SSC5D: variants seen among roughly 807,000 people sequenced by gnomAD.
SSC5D encodes the protein scavenger receptor cysteine rich family member with 5 domains.
SSC5D carries 106 observed loss-of-function variants against 104.6 expected under a neutral mutation model. That is an observed-to-expected ratio of 1.01 (90% confidence interval 0.87 to 1.19). SSC5D has a LOEUF of 1.19. Among genes scored for constraint, SSC5D ranks in the 50% most tolerant of loss-of-function variants. The pLI, the probability that SSC5D is intolerant of heterozygous loss-of-function variation, is 0.00. For missense variants in SSC5D, 1,993 were observed against 2,153.8 expected, an observed-to-expected ratio of 0.93 and a Z score of 1.48; for synonymous variants, 860 against 883.5, an observed-to-expected ratio of 0.97 and a Z score of 0.47.
rs558660102 is a variant in SSC5D at position 55,505,605 on chromosome 19, T to A, written c.2785+4404T>A. Among the ~76,000 whole-genome samples the A allele has an allele frequency of 1.1e-3, 173 of 151,916 alleles. 4 individuals carry two copies. The highest frequency in any genetic ancestry group is 2.3e-3 in the Admixed American group (35 of 15,272). On this transcript the variant is annotated intron_variant, in intron 12 of 13. Transcript: ENST00000389623. ...AATCCATTTCCCTGCCTTTTCCAGC[T>A]TCTAGAGGCCACCTACATTCCTTGG...
chr19:55,489,672 C>T lies in SSC5D; in HGVS notation c.361+10C>T, dbSNP rs770514889. ...GGCGTCGTCTGCGCAGGTGAGGACACCCTGGCTGCTCCTTCAGGGGGAGCT... is the reference window on the plus strand; with the variant it reads ...GGCGTCGTCTGCGCAGGTGAGGACATCCTGGCTGCTCCTTCAGGGGGAGCT... On this transcript the variant is annotated intron_variant, in intron 3 of 13. Transcript: ENST00000389623. The T allele has an allele frequency of 1.0e-5, 16 of 1,529,684 alleles. No homozygotes were observed. The highest frequency in any genetic ancestry group is 1.2e-5 in the Non-Finnish European group (14 of 1,142,422). The allele number at this position is 1,529,684 out of a possible 1,614,324, so 94.8% of individuals were successfully genotyped here.
At position 55,507,683 on chromosome 19, in the gene SSC5D, A is replaced by AG. The variant is rs1185930744; in HGVS notation, c.2786-5328_2786-5327insG. On this transcript the variant is annotated intron_variant, in intron 12 of 13. Transcript: ENST00000389623. ...TCCGTCTCAAAAAAAAAAAAAAAAA[A>AG]AAAAAGAAAAAAAGAGACATCTTAC... Among the ~76,000 whole-genome samples the AG allele has an allele frequency of 3.2e-4, 49 of 151,162 alleles. 1 individual carries two copies. The highest frequency in any genetic ancestry group is 7.9e-4 in the Admixed American group (12 of 15,170).
chr19:55,517,684 C>T lies in SSC5D; in HGVS notation c.3408C>T (p.Val1136=), dbSNP rs1419091242. ...DLDTTPYSST[V]SEYSRSPDPS... Reference sequence around the variant, plus strand: ...ACACAACTCCATACTCCAGTACAGTCTCAGAATATTCTAGATCCCCAGACC... The same window carrying T: ...ACACAACTCCATACTCCAGTACAGTTTCAGAATATTCTAGATCCCCAGACC... The change falls in exon 14 of 14, where the codon GTC becomes GTT. Residue 1136 remains valine (V), a synonymous_variant. Coordinates refer to ENST00000389623, the MANE Select transcript of SSC5D (RefSeq NM_001144950.2). The T allele has an allele frequency of 1.9e-6, 3 of 1,551,512 alleles. No individual in the cohort carries two copies. The highest frequency in any genetic ancestry group is 2.6e-6 in the Non-Finnish European group (3 of 1,146,978).
At chr19:55,495,234 T>TATATATATATATATATATATATATATA (rs56232242) in intron 8 of SSC5D, among the ~76,000 whole-genome samples, 12 of 22,236 alleles carry the variant, frequency 5.4e-4, no homozygotes, top group South Asian at 3.0e-3. Context: ...TATATATATA[T>TATATATATATATATATATATATATATA]TTTTTTTTTT....
At position 55,493,900 on chromosome 19, in the gene SSC5D, G is replaced by A. The variant is rs1325297710; in HGVS notation, c.1201G>A (p.Ala401Thr). Residue 401 changes from alanine to threonine, a missense_variant, in exon 7 of 14, where the codon GCC (alanine) becomes ACC (threonine). By Grantham distance (58) the Ala-to-Thr change is moderately conservative (BLOSUM62 0). Coordinates refer to ENST00000389623, the MANE Select transcript of SSC5D (RefSeq NM_001144950.2). ...CTGTCACCACCGCGAGGACGCCGGG[G>A]CCGTGTGTGACGGTGAGGGGGTTGT... ...HDCHHREDAGAVCDGMPLGYV... is the reference protein window; with the variant it reads ...HDCHHREDAGTVCDGMPLGYV... The A allele has an allele frequency of 1.3e-6, 2 of 1,545,144 alleles. No individual in the cohort carries two copies. The highest frequency in any genetic ancestry group is 2.4e-5 in the East Asian group (1 of 40,834).
In SSC5D at chr19:55,489,496, G is replaced by A. The variant is rs1285069911; in HGVS notation, c.195G>A (p.Gly65=). 5 of 1,469,812 alleles carry A rather than the reference G, an allele frequency of 3.4e-6. No homozygotes were observed. In the African/African-American group the frequency reaches 7.2e-5, roughly 21 times the overall value. 91.0% of individuals were successfully genotyped at this position (1,469,812 alleles called of 1,614,324 possible). ...CCTGCCGGCAGCTGGGCTGCGGAGG[G>A]GCACTGGCCGCCCCGGGAGGCGCCT... is the stretch of plus-strand genomic sequence containing the variant. ...AVACRQLGCG[G]ALAAPGGAFF... The change falls in exon 3 of 14, where the codon GGG becomes GGA. Residue 65 remains glycine (G), a synonymous_variant. Coordinates refer to ENST00000389623, the MANE Select transcript of SSC5D (RefSeq NM_001144950.2).
chr19:55,519,058 A>G lies in SSC5D; in HGVS notation c.*60A>G. ...CAACCAAAAAAAACAAAAACAAAAA[A>G]AACCCCCAAAGTATCTAATTAAAAA... On this transcript the variant is annotated 3_prime_UTR_variant, in exon 14 of 14. Coordinates refer to ENST00000389623, the MANE Select transcript of SSC5D (RefSeq NM_001144950.2). 6.7e-7 allele frequency: 1 copy of G among 1,490,754 alleles called. No homozygotes were observed. The highest frequency in any genetic ancestry group is 9.0e-7 in the Non-Finnish European group (1 of 1,116,000). The allele number at this position is 1,490,754 out of a possible 1,614,324, so 92.3% of individuals were successfully genotyped here.
rs1987936992 is a variant in SSC5D at position 55,518,248 on chromosome 19, C to CT, written c.3972_3973insT (p.Pro1325SerfsTer5). The CT allele has an allele frequency of 6.8e-7, 1 of 1,475,598 alleles. No individual in the cohort carries two copies. The highest frequency in any genetic ancestry group is 1.7e-5 in the African/African-American group (1 of 59,492). The allele number at this position is 1,475,598 out of a possible 1,614,324, so 91.4% of individuals were successfully genotyped here. A position where few individuals can be genotyped will look rare whatever the true frequency, so the allele number is the denominator to read the frequency against. ...CTCCTGATCCCACCACGACCCCTCACCCCACAACTCCTGACCCTTCCTCAA... is the reference window on the plus strand; with the variant it reads ...CTCCTGATCCCACCACGACCCCTCACTCCCACAACTCCTGACCCTTCCTCAA... On this transcript the variant is annotated frameshift_variant, in exon 14 of 14. Coordinates refer to ENST00000389623, the MANE Select transcript of SSC5D (RefSeq NM_001144950.2). LOFTEE classifies it low-confidence loss of function (END_TRUNC).
At chr19:55,499,083 C>T (rs935660254) in intron 9 of SSC5D, among the ~76,000 whole-genome samples, 17 of 152,294 alleles carry the variant, frequency 1.1e-4, no homozygotes, top group African/African-American at 3.9e-4. Context: ...TTCGTGGGGA[C>T]TTGGCCACGT....
chr19:55,490,803 G>A lies in SSC5D; in HGVS notation c.618G>A (p.Arg206=), dbSNP rs1354753034. 3.2e-6 allele frequency: 5 copies of A among 1,544,634 alleles called. No individual in the cohort carries two copies. Among genetic ancestry groups the A allele is most frequent in the East Asian group, 2.4e-5 (1 of 40,878 alleles). ...TGCGCCTGGTCTCTGGCCCCCACAG[G>A]TGCGCCGGACGCCTGGAGGTCTGGC... The part of the protein sequence containing the change: ...ERLRLVSGPH[R]CAGRLEVWHG... The change falls in exon 6 of 14, where the codon AGG becomes AGA. Residue 206 remains arginine (R), a synonymous_variant. Transcript: ENST00000389623.
In SSC5D at chr19:55,518,162, AC is replaced by A; in HGVS notation, c.3888del (p.Thr1297GlnfsTer7). On this transcript the variant is annotated frameshift_variant, in exon 14 of 14. Coordinates refer to ENST00000389623, the MANE Select transcript of SSC5D (RefSeq NM_001144950.2). LOFTEE classifies it low-confidence loss of function (END_TRUNC). ...TPHPTTTPHP[T>X]TTPHPTMTPD... The stretch of plus-strand genomic sequence containing the variant: ...TCACCCCACCACAACCCCTCACCCC[AC>A]CACAACCCCTCACCCCACCATGACT... 8.7e-7 allele frequency: 1 copy of A among 1,150,542 alleles called. No homozygotes were observed. Among genetic ancestry groups the A allele is most frequent in the East Asian group, 5.0e-5 (1 of 20,174 alleles). The allele number at this position is 1,150,542 out of a possible 1,614,324, so 71.3% of individuals were successfully genotyped here.
chr19:55,504,397 G>A (rs1349845927), intron 12 of SSC5D: 1 of 1,270,888 alleles, frequency 7.9e-7, no homozygotes, highest in Non-Finnish European at 1.0e-6. Context: ...ATGCGGGGTG[G>A]AGTGGGAGAC....
In SSC5D at chr19:55,500,880, G is replaced by A. The variant is rs529722937; in HGVS notation, c.2617+76G>A. The A allele has an allele frequency of 1.1e-4, 172 of 1,507,400 alleles. 1 individual carries two copies. In the African/African-American group the frequency reaches 1.9e-3, roughly 17 times the overall value. 93.4% of individuals were successfully genotyped at this position (1,507,400 alleles called of 1,614,324 possible). A position where few individuals can be genotyped will look rare whatever the true frequency, so the allele number is the denominator to read the frequency against. On this transcript the variant is annotated intron_variant, in intron 11 of 13. Coordinates refer to ENST00000389623, the MANE Select transcript of SSC5D (RefSeq NM_001144950.2). This position sits in a 1 kb window ranked among gnomAD's most constrained non-coding sequence, Gnocchi z 4.6. ...TGGAGTCAGGGTGGGGCCAGGTGACGGCACCATGGTCGACTCTAAAGAACT... is the reference window on the plus strand; with the variant it reads ...TGGAGTCAGGGTGGGGCCAGGTGACAGCACCATGGTCGACTCTAAAGAACT...
At position 55,493,508 on chromosome 19, in the gene SSC5D, T is replaced by C. The variant is rs1014089276; in HGVS notation, c.896-87T>C. 12 of 1,170,006 alleles carry C rather than the reference T, an allele frequency of 1.0e-5. No individual in the cohort carries two copies. The African/African-American group carries it at 1.6e-4, about 16-fold the overall frequency. 72.5% of individuals were successfully genotyped at this position (1,170,006 alleles called of 1,614,324 possible). On this transcript the variant is annotated intron_variant, in intron 6 of 13. Coordinates refer to ENST00000389623, the MANE Select transcript of SSC5D (RefSeq NM_001144950.2). ...GGAATATTTGCTTCCCAGAGTCATC[T>C]TGGGGTTGCAGCCTGCCTGAGCATA...
Position 55,500,059 on chromosome 19 carries a change from AAC to A in SSC5D, c.1952_1953del (p.His651LeufsTer20). 1 of 1,551,672 alleles carries A rather than the reference AAC, an allele frequency of 6.4e-7. No homozygotes were observed. The highest frequency in any genetic ancestry group is 8.7e-7 in the Non-Finnish European group (1 of 1,146,988). On this transcript the variant is annotated frameshift_variant, in exon 10 of 14. Coordinates refer to ENST00000389623, the MANE Select transcript of SSC5D (RefSeq NM_001144950.2). LOFTEE classifies it high-confidence loss of function. This position sits in a 1 kb window ranked among gnomAD's most constrained non-coding sequence, Gnocchi z 4.6. ...CAACCCCCAGTGATGCCAACCACGA[AAC>A]ACTCCAGGGCCCAAAGCCCCCCAGA...
chr19:55,489,061 C>CA, intron 2 of SSC5D, 29 bp downstream of exon 2: 2 of 911,696 alleles, frequency 2.2e-6, no homozygotes, highest in East Asian at 4.8e-5. Flanking sequence ...CCCATCTGCC[C>CA]GCCCCCCCCC....
chr19:55,513,910 G>C (rs1009252086), intron 13 of SSC5D, among the ~76,000 whole-genome samples: 1 of 152,198 alleles, frequency 6.6e-6, no homozygotes. Context: ...GTGATTCCCA[G>C]AAAAGGAAGC....
Position 55,517,404 on chromosome 19 carries a change from A to G in SSC5D, c.3128A>G (p.Asp1043Gly). The change falls in exon 14 of 14, where the codon GAC becomes GGC. Residue 1043 changes from aspartate to glycine, a missense_variant. By Grantham distance (94) the Asp-to-Gly change is moderately conservative. Around this residue, in one of 6 missense-constraint regions of SSC5D, gnomAD observed 423 missense variants for 409.2 expected, o/e 1.03. Transcript: ENST00000389623. ...HSALTSEATSDAPDTSPPTPD... is the reference protein window; with the variant it reads ...HSALTSEATSGAPDTSPPTPD... ...GCCTTGACGTCCGAGGCGACCTCTG[A>G]CGCTCCGGACACTTCACCACCCACC... The G allele has an allele frequency of 6.4e-7, 1 of 1,550,672 alleles. No individual in the cohort carries two copies. The highest frequency in any genetic ancestry group is 8.7e-7 in the Non-Finnish European group (1 of 1,146,898).
chr19:55,500,936 A>C lies in SSC5D; in HGVS notation c.2618-98A>C. Reference sequence around the variant, plus strand: ...TGAGGGGTCGGGGTGGGGAGATCCCAGAGTTGCTCCAGAAGATTCCAAAAG... The same window carrying C: ...TGAGGGGTCGGGGTGGGGAGATCCCCGAGTTGCTCCAGAAGATTCCAAAAG... On this transcript the variant is annotated intron_variant, in intron 11 of 13. Transcript: ENST00000389623. The surrounding 1 kb of genome is among the most constrained non-coding windows in gnomAD (Gnocchi z 4.6). The C allele has an allele frequency of 6.6e-7, 1 of 1,521,630 alleles. No homozygotes were observed. The highest frequency in any genetic ancestry group is 8.9e-7 in the Non-Finnish European group (1 of 1,126,622). 94.3% of individuals were successfully genotyped at this position (1,521,630 alleles called of 1,614,324 possible). A position where few individuals can be genotyped will look rare whatever the true frequency, so the allele number is the denominator to read the frequency against.
Sources: allele counts gnomAD v4.1 joint callset (sites outside exome capture counted in the v4.1 genomes callset), GRCh38; gene constraint gnomAD v4.1.1; regional missense constraint gnomAD v4.1.1; non-coding constraint Gnocchi (gnomAD v3.1); transcripts MANE v1.5; gene names NCBI Gene and HGNC (gene_info 2026-07-23, HGNC 2026-07-21).